The following RALYL variants were observed in gnomAD, a reference collection of about 807,000 sequenced individuals.
RALYL encodes RALY RNA binding protein like.
In RALYL, 29 loss-of-function variants were observed where a neutral mutation model predicts 35.1. The observed-to-expected ratio is 0.83, with a 90% CI of 0.61 to 1.13. The LOEUF is 1.13. Among genes scored for constraint, RALYL ranks in the 50% most tolerant of loss-of-function variants. The probability of loss-of-function intolerance (pLI) is 0.00; values close to 1 mark genes in which losing one functional copy is unlikely to be tolerated. For missense variants in RALYL, 359 were observed against 360.4 expected (o/e 1.00, Z 0.03); for synonymous variants, 120 against 127.6 (o/e 0.94, Z 0.40).
At chr8:84,673,673 A>T (rs1833679088) in intron 2 of RALYL, among the ~76,000 whole-genome samples, 1 of 152,162 alleles carries the variant, frequency 6.6e-6, no homozygotes, top group Admixed American at 6.5e-5. Context: ...GGTTTGTCAA[A>T]GATCAGATAA....
At chr8:84,433,814 CGTGT>C (rs1194033007) in intron 1 of RALYL, among the ~76,000 whole-genome samples, 46 of 62,614 alleles carry the variant, frequency 7.3e-4, no homozygotes, top group African/African-American at 1.7e-3. Context: ...TGTATGTGTG[CGTGT>C]GTGTGTGTGT....
intron 1 of RALYL, among the ~76,000 whole-genome samples, chr8:84,503,927 A>C (rs1460991941): frequency 6.6e-6 from 1 of 152,004 alleles, no homozygotes; most frequent in African/African-American, 2.4e-5. Flanking sequence ...AAAAGTAAAG[A>C]CAAAATAATC....
chr8:84,590,895 T>C (rs1047217988), intron 2 of RALYL, among the ~76,000 whole-genome samples: 1 of 152,138 alleles, frequency 6.6e-6, no homozygotes, highest in Non-Finnish European at 1.5e-5. Flanking sequence ...ACCTTTCAAC[T>C]CTCTCACTGG....
intron 1 of RALYL, among the ~76,000 whole-genome samples, chr8:84,192,537 A>G (rs1650052126): frequency 6.6e-6 from 1 of 151,900 alleles, no homozygotes; most frequent in Non-Finnish European, 1.5e-5. Context: ...GCAGTGATAC[A>G]TGAAACTGAA....
At chr8:84,369,774 G>C (rs1289267299) in intron 1 of RALYL, among the ~76,000 whole-genome samples, 1 of 152,062 alleles carries the variant, frequency 6.6e-6, no homozygotes, top group Non-Finnish European at 1.5e-5. Flanking sequence ...GTAGTTATAG[G>C]AAAGTGCTCT....
chr8:84,735,270 A>T (rs1343188650), intron 2 of RALYL, among the ~76,000 whole-genome samples: 1 of 152,022 alleles, frequency 6.6e-6, no homozygotes, highest in East Asian at 1.9e-4. Flanking sequence ...GACCTAAAAC[A>T]GTGTCTGCCA....
chr8:84,197,562 C>T (rs1563515038), intron 1 of RALYL, among the ~76,000 whole-genome samples: 1 of 152,016 alleles, frequency 6.6e-6, no homozygotes, highest in Admixed American at 6.6e-5. Flanking sequence ...TCCTCCAAAC[C>T]ATTGCTTTAT....
chr8:84,323,979 T>G (rs1013548825), intron 1 of RALYL, among the ~76,000 whole-genome samples: 7 of 152,050 alleles, frequency 4.6e-5, no homozygotes, highest in African/African-American at 1.7e-4. Flanking sequence ...TTTGAGTCTC[T>G]TGTATTATTA....
rs375256407 is a variant in RALYL at position 84,349,889 on chromosome 8, T to C, written c.-24+165465T>C. 1.1e-3 allele frequency among the ~76,000 whole-genome samples: 166 copies of C among 150,312 alleles called. 7 individuals carry two copies. In the South Asian group the frequency reaches 0.033, roughly 30 times the overall value. On this transcript the variant is annotated intron_variant, in intron 1 of 8. Coordinates refer to ENST00000521268, the MANE Select transcript of RALYL (RefSeq NM_173848.7). ...GCCAAGAACTTGACCTTGCATCATT[T>C]TGGTCATCATTGTCTCTGCTGCTGT...
At chr8:84,578,844 T>G (rs568830589) in intron 2 of RALYL, among the ~76,000 whole-genome samples, 2 of 152,212 alleles carry the variant, frequency 1.3e-5, no homozygotes, top group South Asian at 4.2e-4. Context: ...TTTTATGAGC[T>G]CAAAAGGGAG....
intron 1 of RALYL, among the ~76,000 whole-genome samples, chr8:84,281,779 C>G (rs569191259): frequency 6.6e-6 from 1 of 152,116 alleles, no homozygotes; most frequent in East Asian, 1.9e-4. Context: ...TATATGTAAT[C>G]TCTAAGTGTA....
chr8:84,796,779 G>A (rs775689719), intron 3 of RALYL, among the ~76,000 whole-genome samples: 1 of 152,128 alleles, frequency 6.6e-6, no homozygotes, highest in Non-Finnish European at 1.5e-5. Context: ...AAAATATCAT[G>A]CTAAATTATT....
chr8:84,714,945 A>C (rs1435486661), intron 2 of RALYL, among the ~76,000 whole-genome samples: 1 of 150,720 alleles, frequency 6.6e-6, no homozygotes, highest in South Asian at 2.1e-4. Context: ...GCTCTTTAGG[A>C]TATATAAGGT....
In RALYL at chr8:84,920,979, G is replaced by A. The variant is rs528267886; in HGVS notation, c.*68G>A. The A allele has an allele frequency of 1.4e-4, 132 of 969,750 alleles. No homozygotes were observed. The African/African-American group carries it at 2.0e-3, about 15-fold the overall frequency. The allele number at this position is 969,750 out of a possible 1,614,324, so 60.1% of individuals were successfully genotyped here. On this transcript the variant is annotated 3_prime_UTR_variant, in exon 9 of 9. Transcript: ENST00000521268. ...GTGACAACCCCCAGAAATGTGAAAG[G>A]AGGTTTCTTACTGGACAGCAGCATC...
intron 1 of RALYL, among the ~76,000 whole-genome samples, chr8:84,336,417 T>A (rs79090984): frequency 0.029 from 4,467 of 152,194 alleles, 113 homozygotes; most frequent in Non-Finnish European, 0.035. Context: ...AGACTTGTAT[T>A]TAAAAAATGA....
intron 1 of RALYL, among the ~76,000 whole-genome samples, chr8:84,223,218 C>A (rs998625770): frequency 2.6e-4 from 14 of 53,030 alleles, no homozygotes; most frequent in Admixed American, 9.1e-4. Context: ...CCTCCCTTCC[C>A]TTCCCTTCCC....
At chr8:84,443,798 GC>G (rs2048582522) in intron 1 of RALYL, among the ~76,000 whole-genome samples, 1 of 152,018 alleles carries the variant, frequency 6.6e-6, no homozygotes. Flanking sequence ...TCTGACGTAG[GC>G]ATGGATATAA....
intron 7 of RALYL, among the ~76,000 whole-genome samples, chr8:84,880,995 C>A (rs916476348): frequency 4.6e-5 from 7 of 151,748 alleles, no homozygotes; most frequent in Non-Finnish European, 7.4e-5. Flanking sequence ...TATATAATAT[C>A]TCTACTAAAA....
chr8:84,722,194 G>A (rs1212627563), intron 2 of RALYL, among the ~76,000 whole-genome samples: 1 of 151,908 alleles, frequency 6.6e-6, no homozygotes, highest in Non-Finnish European at 1.5e-5. Context: ...CCTCTAGATT[G>A]CTACACATAT....
Sources: gnomAD v4.1 joint callset for allele counts (sites outside exome capture counted in the v4.1 genomes callset) on GRCh38, gnomAD v4.1.1 for gene constraint, MANE v1.5 for transcripts, NCBI Gene and HGNC (gene_info 2026-07-23, HGNC 2026-07-21) for gene names.